Variants in AGBL1 observed in about 807,000 individuals in gnomAD.
AGBL1 encodes cytosolic carboxypeptidase 4.
AGBL1 carries 130 observed loss-of-function variants against 118.9 expected under a neutral mutation model. The ratio of observed to expected loss-of-function variants is 1.09; its 90% CI spans 0.95 to 1.26. The LOEUF (loss-of-function observed/expected upper bound fraction) is 1.26, where lower values mean the gene tolerates loss of function less well. AGBL1 is among the 50% of genes most tolerant of loss of function. The probability of loss-of-function intolerance (pLI) is 0.00; values close to 1 mark genes in which losing one functional copy is unlikely to be tolerated. For missense variants in AGBL1, 1,584 were observed against 1,298.1 expected (o/e 1.22, Z -3.38); for synonymous variants, 555 against 478.9 (o/e 1.16, Z -2.08).
intron 18 of AGBL1, among the ~76,000 whole-genome samples, chr15:86,441,715 G>A (rs1400726002): frequency 6.6e-6 from 1 of 152,220 alleles, no homozygotes. Flanking sequence ...AACCATAGCT[G>A]TTGTCCAACC....
intron 24 of AGBL1, among the ~76,000 whole-genome samples, chr15:87,006,859 G>C (rs892309): frequency 0.018 from 2,793 of 152,222 alleles, 98 homozygotes; most frequent in African/African-American, 0.064. Flanking sequence ...TACAGCCTGA[G>C]AAGAATGGAA....
At chr15:87,012,192 T>TACACAC (rs57985975) in intron 24 of AGBL1, among the ~76,000 whole-genome samples, 2,455 of 142,744 alleles carry the variant, frequency 0.017, 35 homozygotes, top group South Asian at 0.053. Flanking sequence ...TACAAATTTA[T>TACACAC]ACACACACAC....
At chr15:86,210,852 T>A (rs778416115) in intron 5 of AGBL1, among the ~76,000 whole-genome samples, 33 of 152,182 alleles carry the variant, frequency 2.2e-4, no homozygotes, top group Non-Finnish European at 4.4e-4. Flanking sequence ...CCAGGTTTGT[T>A]CCGTTGTTGG....
At chr15:86,928,483 G>A (rs992268644) in intron 23 of AGBL1, among the ~76,000 whole-genome samples, 1 of 152,160 alleles carries the variant, frequency 6.6e-6, no homozygotes, top group Non-Finnish European at 1.5e-5. Flanking sequence ...AAACTGGTGA[G>A]CTAATATGGA....
chr15:86,724,386 G>C (rs1218538645), intron 22 of AGBL1, among the ~76,000 whole-genome samples: 2 of 151,906 alleles, frequency 1.3e-5, no homozygotes, highest in Non-Finnish European at 2.9e-5. Context: ...AAGTCCTCAA[G>C]AATTATGACA....
At chr15:86,860,586 C>G (rs1328832541) in intron 22 of AGBL1, among the ~76,000 whole-genome samples, 1 of 152,112 alleles carries the variant, frequency 6.6e-6, no homozygotes, top group African/African-American at 2.4e-5. Context: ...CATGTTGGTA[C>G]TACACGACTA....
intron 18 of AGBL1, among the ~76,000 whole-genome samples, chr15:86,417,646 G>A (rs749463319): frequency 6.6e-6 from 1 of 152,282 alleles, no homozygotes; most frequent in African/African-American, 2.4e-5. Context: ...TGAGGTCTGG[G>A]ACAACTTCTT....
At chr15:86,418,430 G>A (rs1279299041) in intron 18 of AGBL1, among the ~76,000 whole-genome samples, 1 of 152,138 alleles carries the variant, frequency 6.6e-6, no homozygotes, top group African/African-American at 2.4e-5. Flanking sequence ...AGTTGGGCTG[G>A]CACAGCTGGA....
intron 22 of AGBL1, among the ~76,000 whole-genome samples, chr15:86,794,112 G>T (rs929254893): frequency 1.3e-5 from 2 of 152,074 alleles, no homozygotes; most frequent in Admixed American, 6.6e-5. Context: ...TATACCCAAG[G>T]AATGGAAAAC....
At chr15:86,114,885 G>A (rs896182457) in intron 1 of AGBL1, among the ~76,000 whole-genome samples, 1 of 152,200 alleles carries the variant, frequency 6.6e-6, no homozygotes, top group Non-Finnish European at 1.5e-5. Flanking sequence ...TCGTTCTGAT[G>A]AGATTCACTG....
At position 86,990,317 on chromosome 15, in the gene AGBL1, C is replaced by A. The variant is rs957115002; in HGVS notation, c.3323+2229C>A. On this transcript the variant is annotated intron_variant, in intron 24 of 24. Transcript: ENST00000441037. ...ATCACCTGAGGTCAGTAGTTCAAGA[C>A]CAGCCTGACCAACAAGGTGAAACCC... Among the ~76,000 whole-genome samples the A allele has an allele frequency of 1.6e-4, 25 of 152,222 alleles. 1 individual carries two copies. The highest frequency in any genetic ancestry group is 4.8e-4 in the African/African-American group (20 of 41,536).
intron 5 of AGBL1, among the ~76,000 whole-genome samples, chr15:86,200,263 G>T (rs1043169778): frequency 6.6e-6 from 1 of 152,112 alleles, no homozygotes; most frequent in South Asian, 2.1e-4. Flanking sequence ...AAAAGAAAAA[G>T]AACCAGTGTC....
At chr15:86,944,879 A>C (rs2080798959) in intron 23 of AGBL1, among the ~76,000 whole-genome samples, 1 of 152,208 alleles carries the variant, frequency 6.6e-6, no homozygotes, top group African/African-American at 2.4e-5. Flanking sequence ...AGACTTTTGC[A>C]GGGAAAAGGG....
intron 24 of AGBL1, among the ~76,000 whole-genome samples, chr15:86,999,309 G>A (rs1377224001): frequency 6.6e-6 from 1 of 150,948 alleles, no homozygotes; most frequent in Admixed American, 6.6e-5. Context: ...CCATGCTGGT[G>A]CGCTGCACCC....
At chr15:86,597,396 A>G (rs1228623571) in intron 21 of AGBL1, among the ~76,000 whole-genome samples, 1 of 152,206 alleles carries the variant, frequency 6.6e-6, no homozygotes, top group African/African-American at 2.4e-5. Flanking sequence ...AAATAGTGGT[A>G]GCTTGAAATT....
At chr15:86,258,252 T>C (rs1183979373) in intron 9 of AGBL1, among the ~76,000 whole-genome samples, 1 of 152,196 alleles carries the variant, frequency 6.6e-6, no homozygotes, top group African/African-American at 2.4e-5. Flanking sequence ...CATTATAAAG[T>C]CAGAGGCTAT....
chr15:86,706,988 A>C (rs2086461377), intron 22 of AGBL1, among the ~76,000 whole-genome samples: 1 of 152,114 alleles, frequency 6.6e-6, no homozygotes, highest in Non-Finnish European at 1.5e-5. Flanking sequence ...ATATAATAAG[A>C]GATGGACTTT....
rs1176757436 is a variant in AGBL1 at position 86,590,700 on chromosome 15, CAGTT to C, written c.2994+36167_2994+36170del. 1.6e-4 allele frequency among the ~76,000 whole-genome samples: 24 copies of C among 152,238 alleles called. No individual in the cohort carries two copies. The East Asian group carries it at 4.1e-3, about 26-fold the overall frequency. On this transcript the variant is annotated intron_variant, in intron 21 of 22. Coordinates refer to ENST00000614907, the MANE Select transcript of AGBL1 (RefSeq NM_001386094.1). ...GAGACCTTTAAAGGTGTCAGACTCT[CAGTT>C]AGTCTTTCTTGGATCCAGACAAGGG... is the stretch of plus-strand genomic sequence containing the variant.
chr15:86,998,553 C>T (rs1352546146), intron 24 of AGBL1, among the ~76,000 whole-genome samples: 1 of 152,134 alleles, frequency 6.6e-6, no homozygotes, highest in Admixed American at 6.6e-5. Context: ...ATAAGTCATG[C>T]CTAGACTTAG....
Sources: gnomAD v4.1 joint callset for allele counts (sites outside exome capture counted in the v4.1 genomes callset) on GRCh38, gnomAD v4.1.1 for gene constraint, MANE v1.5 for transcripts, NCBI Gene and HGNC (gene_info 2026-07-23, HGNC 2026-07-21) for gene names.